The following MYO1D variants were observed in gnomAD, a reference collection of about 807,000 sequenced individuals.
MYO1D encodes myosin ID.
MYO1D carries 83 observed loss-of-function variants against 122.0 expected under a neutral mutation model. The observed-to-expected ratio is 0.68, with a 90% CI of 0.57 to 0.82. MYO1D has a LOEUF of 0.82. MYO1D is among the 40% of genes least tolerant of loss of function. MYO1D has a pLI of 0.00. For missense variants in MYO1D, 1,157 were observed against 1,269.5 expected (o/e 0.91, Z 1.35); for synonymous variants, 464 against 446.9 (o/e 1.04, Z -0.48).
intron 11 of MYO1D, among the ~76,000 whole-genome samples, chr17:32,749,807 C>T (rs1420704483): frequency 6.6e-6 from 1 of 152,190 alleles, no homozygotes; most frequent in Non-Finnish European, 1.5e-5. Context: ...GTTTCTTTCT[C>T]CTCCTTAAGG....
chr17:32,517,654 C>T (rs1379332803), intron 21 of MYO1D, among the ~76,000 whole-genome samples: 1 of 152,144 alleles, frequency 6.6e-6, no homozygotes, highest in Admixed American at 6.5e-5. Flanking sequence ...AAGCATCACC[C>T]TCCCTGGGAA....
chr17:32,704,294 A>G (rs1212349428), intron 16 of MYO1D, among the ~76,000 whole-genome samples: 2 of 152,138 alleles, frequency 1.3e-5, no homozygotes, highest in African/African-American at 4.8e-5. Context: ...GGCTACATTG[A>G]TTCATTTCTT....
chr17:32,722,209 G>C (rs1598040060), intron 14 of MYO1D, among the ~76,000 whole-genome samples: 1 of 152,204 alleles, frequency 6.6e-6, no homozygotes, highest in African/African-American at 2.4e-5. Flanking sequence ...CATGGTGAAA[G>C]GTAATGCCAT....
intron 1 of MYO1D, among the ~76,000 whole-genome samples, chr17:32,819,701 T>C (rs976567127): frequency 1.3e-5 from 2 of 152,164 alleles, no homozygotes; most frequent in Admixed American, 1.3e-4. Context: ...GTTTCTTAAT[T>C]CCAAATTCCT....
chr17:32,538,264 C>CTAAGTA (rs1200379918), intron 21 of MYO1D, among the ~76,000 whole-genome samples: 5 of 139,126 alleles, frequency 3.6e-5, no homozygotes, highest in Admixed American at 8.0e-5. Flanking sequence ...TCAAAGGCAT[C>CTAAGTA]TAAGTAAAAT....
chr17:32,762,205 G>C (rs1367596999), intron 8 of MYO1D, among the ~76,000 whole-genome samples: 1 of 151,936 alleles, frequency 6.6e-6, no homozygotes, highest in Non-Finnish European at 1.5e-5. Flanking sequence ...ATGTGCACAG[G>C]CCCTGTGACT....
At chr17:32,540,777 TTAAC>T (rs1159450998) in intron 21 of MYO1D, among the ~76,000 whole-genome samples, 1 of 151,518 alleles carries the variant, frequency 6.6e-6, no homozygotes, top group Admixed American at 6.6e-5. Context: ...AATACAAAAA[TTAAC>T]TAGGCATGGT....
intron 21 of MYO1D, among the ~76,000 whole-genome samples, chr17:32,561,525 T>C (rs1261565185): frequency 6.6e-6 from 1 of 151,520 alleles, no homozygotes; most frequent in African/African-American, 2.4e-5. Context: ...TCGTCTCTAC[T>C]AAAAATACAA....
chr17:32,792,243 T>G (rs2151036772), intron 1 of MYO1D, among the ~76,000 whole-genome samples: 1 of 152,350 alleles, frequency 6.6e-6, no homozygotes. Context: ...AATTTAAATT[T>G]ATGAATTATA....
In MYO1D at chr17:32,539,273, C is replaced by T. The variant is rs574228643; in HGVS notation, c.2865-44358G>A. Among the ~76,000 whole-genome samples, 889 of 125,382 alleles carry T rather than the reference C, an allele frequency of 7.1e-3. 4 individuals carry two copies. Among genetic ancestry groups the T allele is most frequent in the Non-Finnish European group, 0.011 (642 of 60,074 alleles). 82.3% of individuals were successfully genotyped at this position (125,382 alleles called of 152,430 possible). A position where few individuals can be genotyped will look rare whatever the true frequency, so the allele number is the denominator to read the frequency against. On this transcript the variant is annotated intron_variant, in intron 21 of 21. Transcript: ENST00000318217. ...CCGAGGTGACGTAGGAAGACCCTGT[C>T]TCTACACACACACACACACACACAC...
chr17:32,573,256 T>C (rs1399319854), intron 21 of MYO1D, among the ~76,000 whole-genome samples: 1 of 152,324 alleles, frequency 6.6e-6, no homozygotes, highest in African/African-American at 2.4e-5. Flanking sequence ...GAACTTACAA[T>C]TGTTTTTTCT....
chr17:32,563,252 C>T (rs1394187641), intron 21 of MYO1D, among the ~76,000 whole-genome samples: 1 of 142,208 alleles, frequency 7.0e-6, no homozygotes, highest in Non-Finnish European at 1.5e-5. Flanking sequence ...CTCTGTTGCC[C>T]AGGCTGGAGC....
At chr17:32,804,459 T>C (rs377154059) in intron 1 of MYO1D, among the ~76,000 whole-genome samples, 2 of 152,168 alleles carry the variant, frequency 1.3e-5, no homozygotes, top group Non-Finnish European at 2.9e-5. Flanking sequence ...TTAAATATTG[T>C]CCTTTAAGAA....
At chr17:32,666,569 C>T (rs953517866) in intron 16 of MYO1D, among the ~76,000 whole-genome samples, 1 of 152,142 alleles carries the variant, frequency 6.6e-6, no homozygotes, top group African/African-American at 2.4e-5. Context: ...CAACATCTAA[C>T]AGTCATTAAA....
chr17:32,662,908 ACTTT>A (rs942472432), intron 16 of MYO1D, among the ~76,000 whole-genome samples: 2 of 139,344 alleles, frequency 1.4e-5, no homozygotes, highest in African/African-American at 5.3e-5. Context: ...GGGTCGTGCT[ACTTT>A]CTTTTCTTTT....
chr17:32,635,922 T>C (rs1324681162), intron 20 of MYO1D, among the ~76,000 whole-genome samples: 1 of 152,226 alleles, frequency 6.6e-6, no homozygotes, highest in Non-Finnish European at 1.5e-5. Flanking sequence ...GATGTTCCCA[T>C]AGTTTTTTTC....
At chr17:32,769,388 C>T (rs1194710350) in intron 6 of MYO1D, among the ~76,000 whole-genome samples, 2 of 152,176 alleles carry the variant, frequency 1.3e-5, no homozygotes, top group African/African-American at 4.8e-5. Context: ...AATGAACTAA[C>T]TAATTCTGGA....
At chr17:32,636,122 G>A (rs549643791) in intron 20 of MYO1D, among the ~76,000 whole-genome samples, 3 of 151,652 alleles carry the variant, frequency 2.0e-5, no homozygotes, top group Non-Finnish European at 4.4e-5. Flanking sequence ...TCTCTCTCTC[G>A]ACTCATAATT....
At chr17:32,761,121 A>G (rs2089996583) in intron 8 of MYO1D, among the ~76,000 whole-genome samples, 1 of 152,232 alleles carries the variant, frequency 6.6e-6, no homozygotes, top group South Asian at 2.1e-4. Flanking sequence ...CACACATCCA[A>G]TGCACAAGAA....
Sources: gnomAD v4.1 joint callset for allele counts (sites outside exome capture counted in the v4.1 genomes callset) on GRCh38, gnomAD v4.1.1 for gene constraint, MANE v1.5 for transcripts, NCBI Gene and HGNC (gene_info 2026-07-23, HGNC 2026-07-21) for gene names.